Variants in SH3PXD2A observed in about 807,000 individuals in gnomAD.
SH3PXD2A encodes SH3 and PX domain-containing protein 2A.
SH3PXD2A carries 32 observed loss-of-function variants against 115.2 expected under a neutral mutation model. The ratio of observed to expected loss-of-function variants is 0.28; its 90% confidence interval spans 0.21 to 0.37. SH3PXD2A has a LOEUF of 0.37. Among genes scored for constraint, SH3PXD2A ranks in the 10% least tolerant of loss-of-function variants. The pLI, the probability that SH3PXD2A is intolerant of heterozygous loss-of-function variation, is 1.00. For synonymous variants in SH3PXD2A, 610 were observed against 629.1 expected, an observed-to-expected ratio of 0.97 and a Z score of 0.45; for missense variants, 1,328 against 1,498.7, an observed-to-expected ratio of 0.89 and a Z score of 1.88.
At position 103,602,229 on chromosome 10, in the gene SH3PXD2A, G is replaced by A; in HGVS notation, c.2989C>T (p.Leu997=). The change falls in exon 15 of 15, where the codon CTG becomes TTG. Residue 997 remains leucine, a synonymous_variant. Coordinates refer to ENST00000369774, the MANE Select transcript of SH3PXD2A (RefSeq NM_001394015.1). ...GCCGTGAGTGACTCATTCCTCCGCA[G>A]GGCGCAGGACAGGTTGTTGTCCTTG... ...PPKDNNLSCA[L]RRNESLTATD... The A allele has an allele frequency of 6.2e-7, 1 of 1,600,688 alleles. No homozygotes were observed. Among genetic ancestry groups the A allele is most frequent in the Non-Finnish European group, 8.5e-7 (1 of 1,172,784 alleles).
intron 2 of SH3PXD2A, among the ~76,000 whole-genome samples, chr10:103,793,238 G>A (rs574028720): frequency 7.8e-4 from 118 of 152,026 alleles, no homozygotes; most frequent in African/African-American, 2.0e-3. Flanking sequence ...GAGATGAGTC[G>A]GATACCAATC....
chr10:103,808,034 AT>A (rs2098734788), intron 1 of SH3PXD2A, among the ~76,000 whole-genome samples: 1 of 151,982 alleles, frequency 6.6e-6, no homozygotes, highest in Non-Finnish European at 1.5e-5. Context: ...AGGTTCTATC[AT>A]GGGGGGGTTG....
chr10:103,614,948 G>A (rs916894502), intron 11 of SH3PXD2A, among the ~76,000 whole-genome samples: 1 of 152,222 alleles, frequency 6.6e-6, no homozygotes. Context: ...CGCCTCCCCA[G>A]GGATTGGGAG....
At chr10:103,837,864 C>T (rs1160214729) in intron 1 of SH3PXD2A, among the ~76,000 whole-genome samples, 1 of 152,188 alleles carries the variant, frequency 6.6e-6, no homozygotes, top group African/African-American at 2.4e-5. Flanking sequence ...CTCAGGGCTG[C>T]TCTCGAGAGG....
chr10:103,715,997 G>C (rs2038100692), intron 5 of SH3PXD2A, among the ~76,000 whole-genome samples: 1 of 152,202 alleles, frequency 6.6e-6, no homozygotes, highest in South Asian at 2.1e-4. Flanking sequence ...TGCAGTCCAA[G>C]ATGAAACAAC....
rs1228441749 is a variant in SH3PXD2A at position 103,747,620 on chromosome 10, G to A, written c.230-11812C>T. Among the ~76,000 whole-genome samples the A allele has an allele frequency of 2.0e-5, 3 of 152,228 alleles. No individual in the cohort carries two copies. The East Asian group carries it at 5.8e-4, about 29-fold the overall frequency. ...TGTGGGGCAGGCAGATGGAAGTCCTGGGTCGCAGTGATGATGCTGAAAGAC... is the reference window on the plus strand; with the variant it reads ...TGTGGGGCAGGCAGATGGAAGTCCTAGGTCGCAGTGATGATGCTGAAAGAC... On this transcript the variant is annotated intron_variant, in intron 3 of 14. Coordinates refer to ENST00000369774, the MANE Select transcript of SH3PXD2A (RefSeq NM_001394015.1).
intron 1 of SH3PXD2A, among the ~76,000 whole-genome samples, chr10:103,854,174 C>T (rs1019844866): frequency 6.6e-6 from 1 of 152,222 alleles, no homozygotes; most frequent in Non-Finnish European, 1.5e-5. Flanking sequence ...AGAAAAGGCA[C>T]TTCAGAGATC....
chr10:103,684,520 G>A (rs962939398), intron 6 of SH3PXD2A, among the ~76,000 whole-genome samples: 6 of 151,822 alleles, frequency 4.0e-5, no homozygotes, highest in African/African-American at 1.5e-4. Context: ...CACCACATCC[G>A]GCTAATTTTT....
At position 103,602,759 on chromosome 10, in the gene SH3PXD2A, G is replaced by C. The variant is rs751143465; in HGVS notation, c.2459C>G (p.Ser820Cys). The change falls in exon 15 of 15, where the codon TCC becomes TGC. Residue 820 changes from serine to cysteine, a missense_variant. By Grantham distance (112) the Ser-to-Cys change is moderately radical. This residue lies in a region of SH3PXD2A where 574 missense variants were observed against 565.7 expected (regional missense o/e 1.01). Coordinates refer to ENST00000369774, the MANE Select transcript of SH3PXD2A (RefSeq NM_001394015.1). ...GGTGGCTGGGAGGGTGATGAGGTCG[G>C]ATGAGCTTCTCCTAGACCCCTCACT... The part of the protein sequence containing the change: ...APSEGSRRSS[S>C]DLITLPATTP... 8.7e-6 allele frequency: 14 copies of C among 1,614,086 alleles called. No individual in the cohort carries two copies. The East Asian group carries it at 2.9e-4, about 33-fold the overall frequency.
chr10:103,612,036 T>C (rs1195443819), intron 12 of SH3PXD2A, among the ~76,000 whole-genome samples: 1 of 152,200 alleles, frequency 6.6e-6, no homozygotes, highest in Admixed American at 6.5e-5. Context: ...CCAATAACTG[T>C]TTCCCAGCTG....
At chr10:103,821,379 T>C (rs2039378177) in intron 1 of SH3PXD2A, among the ~76,000 whole-genome samples, 1 of 152,182 alleles carries the variant, frequency 6.6e-6, no homozygotes, top group Non-Finnish European at 1.5e-5. Context: ...TCCGTCTGCC[T>C]CAGCCTTCCA....
chr10:103,718,772 C>CACAT (rs1161750609), intron 5 of SH3PXD2A, among the ~76,000 whole-genome samples: 1 of 150,338 alleles, frequency 6.7e-6, no homozygotes, highest in Non-Finnish European at 1.5e-5. Context: ...CACACACACA[C>CACAT]ACACACACAC....
At chr10:103,628,116 G>A (rs2036725795) in intron 8 of SH3PXD2A, among the ~76,000 whole-genome samples, 1 of 152,232 alleles carries the variant, frequency 6.6e-6, no homozygotes, top group Admixed American at 6.5e-5. Flanking sequence ...AGGCTCTCGG[G>A]TGCCTCCAGG....
intron 8 of SH3PXD2A, among the ~76,000 whole-genome samples, chr10:103,634,637 A>T (rs2036837714): frequency 6.6e-6 from 1 of 152,166 alleles, no homozygotes; most frequent in Non-Finnish European, 1.5e-5. Flanking sequence ...CAGATACTTG[A>T]GAATGGACAC....
intron 9 of SH3PXD2A, among the ~76,000 whole-genome samples, chr10:103,623,636 AG>A (rs1317988785): frequency 6.6e-6 from 1 of 152,060 alleles, no homozygotes; most frequent in African/African-American, 2.4e-5. Context: ...TAAGGACAAA[AG>A]GGTAGGAGGT....
At chr10:103,773,895 A>C (rs927286926) in intron 2 of SH3PXD2A, among the ~76,000 whole-genome samples, 7 of 152,068 alleles carry the variant, frequency 4.6e-5, no homozygotes, top group African/African-American at 1.7e-4. Context: ...TGCACCACCC[A>C]GTTAATTGTC....
At chr10:103,614,825 G>A (rs902495853) in intron 11 of SH3PXD2A, among the ~76,000 whole-genome samples, 1 of 152,098 alleles carries the variant, frequency 6.6e-6, no homozygotes, top group African/African-American at 2.4e-5. Context: ...GGGAGAAAAG[G>A]AATATGAAAG....
At position 103,735,982 on chromosome 10, in the gene SH3PXD2A, G is replaced by A. The variant is rs573067667; in HGVS notation, c.230-174C>T. The stretch of plus-strand genomic sequence containing the variant: ...TCACCTTTCCTGGAGGGCAGGAGGC[G>A]CCCTAGGCTGAGAGCCCAGGACCTC... On this transcript the variant is annotated intron_variant, in intron 3 of 14. Transcript: ENST00000369774. Among the ~76,000 whole-genome samples the A allele has an allele frequency of 9.2e-5, 14 of 152,266 alleles. No individual in the cohort carries two copies. The East Asian group carries it at 2.5e-3, about 27-fold the overall frequency.
chr10:103,738,602 A>G (rs1176617369), intron 3 of SH3PXD2A, among the ~76,000 whole-genome samples: 1 of 152,182 alleles, frequency 6.6e-6, no homozygotes, highest in Non-Finnish European at 1.5e-5. Flanking sequence ...GGGAGGGCCC[A>G]CAAACCTGCA....
Sources: allele counts gnomAD v4.1 joint callset (sites outside exome capture counted in the v4.1 genomes callset), GRCh38; gene constraint gnomAD v4.1.1; regional missense constraint gnomAD v4.1.1; transcripts MANE v1.5; gene names NCBI Gene and HGNC (gene_info 2026-07-23, HGNC 2026-07-21).